Variants in RAMP3 observed in about 807,000 individuals in gnomAD.
RAMP3 encodes the protein receptor activity modifying protein 3.
In RAMP3, 14 loss-of-function variants were observed where a neutral mutation model predicts 13.5. The observed-to-expected ratio is 1.04, with a 90% CI of 0.69 to 1.63. RAMP3 has a LOEUF of 1.63. Among genes scored for constraint, RAMP3 ranks in the 40% most tolerant of loss-of-function variants. The probability of loss-of-function intolerance (pLI) is 0.00; values close to 1 mark genes in which losing one functional copy is unlikely to be tolerated. For synonymous variants in RAMP3, 106 were observed against 88.3 expected (o/e 1.20, Z -1.12); for missense variants, 200 against 204.8 (o/e 0.98, Z 0.14).
At chr7:45,166,106 C>T (rs893444933) in intron 1 of RAMP3, among the ~76,000 whole-genome samples, 1 of 151,848 alleles carries the variant, frequency 6.6e-6, no homozygotes, top group Non-Finnish European at 1.5e-5. Flanking sequence ...TCCAACGTGG[C>T]TGCTTCATTT....
intron 2 of RAMP3, among the ~76,000 whole-genome samples, chr7:45,179,254 A>G (rs1193782038): frequency 6.6e-6 from 1 of 152,134 alleles, no homozygotes; most frequent in East Asian, 1.9e-4. Context: ...ACCAGCCAAG[A>G]GGAAGGACCT....
At chr7:45,182,270 G>T (rs1406201401) in intron 2 of RAMP3, among the ~76,000 whole-genome samples, 1 of 152,198 alleles carries the variant, frequency 6.6e-6, no homozygotes, top group Non-Finnish European at 1.5e-5. Flanking sequence ...CTGCACAGAG[G>T]GGGTGGCATC....
intron 1 of RAMP3, among the ~76,000 whole-genome samples, chr7:45,159,087 C>A (rs759378251): frequency 6.6e-6 from 1 of 152,192 alleles, no homozygotes; most frequent in Non-Finnish European, 1.5e-5. Flanking sequence ...TGAGAAGGAC[C>A]ACAGGCTTCC....
rs557138964 is a variant in RAMP3 at position 45,174,019 on chromosome 7, T to C, written c.59-3290T>C. Among the ~76,000 whole-genome samples the C allele has an allele frequency of 2.8e-3, 423 of 152,028 alleles. 1 individual carries two copies. The highest frequency in any genetic ancestry group is 9.7e-3 in the African/African-American group (404 of 41,460). On this transcript the variant is annotated intron_variant, in intron 1 of 2. Coordinates refer to ENST00000242249, the MANE Select transcript of RAMP3 (RefSeq NM_005856.3). ...GTGTTGGTGGGGGCTGTGGATTTCC[T>C]CCTAGGGAGATGGGAGTGGGCACTC...
In RAMP3 at chr7:45,182,723, C is replaced by T. The variant is rs1387696106; in HGVS notation, c.192-434C>T. Among the ~76,000 whole-genome samples, 4 of 152,162 alleles carry T rather than the reference C, an allele frequency of 2.6e-5. No homozygotes were observed. In the East Asian group the frequency reaches 7.7e-4, roughly 29 times the overall value. ...TGACTTGATTAGGAGGTGGCTGGCC[C>T]CTGGCCTCAGAGAGACCCTCCTCTC... On this transcript the variant is annotated intron_variant, in intron 2 of 2. Transcript: ENST00000242249.
In RAMP3 at chr7:45,157,825, A is replaced by G; in HGVS notation, c.-4A>G. On this transcript the variant is annotated 5_prime_UTR_variant, in exon 1 of 3. Coordinates refer to ENST00000242249, the MANE Select transcript of RAMP3 (RefSeq NM_005856.3). ...GAGCGTGACCCAGCTGCGGCCGGCC[A>G]GCCATGGAGACTGGAGCGCTGCGGC... 2 of 1,234,848 alleles carry G rather than the reference A, an allele frequency of 1.6e-6. No individual in the cohort carries two copies. Among genetic ancestry groups the G allele is most frequent in the South Asian group, 3.0e-5 (2 of 67,548 alleles). The allele number at this position is 1,234,848 out of a possible 1,614,324, so 76.5% of individuals were successfully genotyped here. A position where few individuals can be genotyped will look rare whatever the true frequency, so the allele number is the denominator to read the frequency against.
chr7:45,160,330 C>CAAAAAA lies in RAMP3; in HGVS notation c.58+2480_58+2485dup. ...CTGGTGACAAAGCGAGACTCTGCCT[C>CAAAAAA]AAAAAAAAAAAAAAAAAAAAAAAAA... On this transcript the variant is annotated intron_variant, in intron 1 of 2. Coordinates refer to ENST00000242249, the MANE Select transcript of RAMP3 (RefSeq NM_005856.3). Among the ~76,000 whole-genome samples the CAAAAAA allele has an allele frequency of 3.1e-3, 55 of 17,892 alleles. 16 individuals carry two copies. Among genetic ancestry groups the CAAAAAA allele is most frequent in the East Asian group, 0.015 (4 of 270 alleles). The allele number at this position is 17,892 out of a possible 152,430, so 11.7% of individuals were successfully genotyped here. A position where few individuals can be genotyped will look rare whatever the true frequency, so the allele number is the denominator to read the frequency against.
intron 2 of RAMP3, among the ~76,000 whole-genome samples, chr7:45,179,848 C>G (rs562268244): frequency 6.6e-6 from 1 of 152,210 alleles, no homozygotes; most frequent in South Asian, 2.1e-4. Flanking sequence ...GCTGTGGAAA[C>G]AAAGGAAAAC....
chr7:45,172,442 T>A (rs1468140932), intron 1 of RAMP3, among the ~76,000 whole-genome samples: 1 of 152,240 alleles, frequency 6.6e-6, no homozygotes, highest in African/African-American at 2.4e-5. Context: ...GAGCTTCTCA[T>A]ACCACCATCC....
intron 1 of RAMP3, among the ~76,000 whole-genome samples, chr7:45,161,823 G>T (rs1045375295): frequency 1.3e-5 from 2 of 152,124 alleles, no homozygotes; most frequent in Non-Finnish European, 2.9e-5. Context: ...GGGTCCAGGT[G>T]GACCAGGCTG....
At chr7:45,182,457 C>T (rs1786335702) in intron 2 of RAMP3, among the ~76,000 whole-genome samples, 1 of 152,114 alleles carries the variant, frequency 6.6e-6, no homozygotes, top group Non-Finnish European at 1.5e-5. Context: ...GGCTATAGCC[C>T]TTGGTCAGCA....
At chr7:45,178,973 C>T (rs551668924) in intron 2 of RAMP3, among the ~76,000 whole-genome samples, 3 of 152,236 alleles carry the variant, frequency 2.0e-5, no homozygotes, top group Admixed American at 6.5e-5. Context: ...TCCCACGACC[C>T]GGCCGGCAGC....
rs766497694 is a variant in RAMP3, at chr7:45,157,928, C to A, written c.58+42C>A. 38 of 1,329,060 alleles carry A rather than the reference C, an allele frequency of 2.9e-5. No individual in the cohort carries two copies. In the East Asian group the frequency reaches 5.0e-4, roughly 17 times the overall value. 82.3% of individuals were successfully genotyped at this position (1,329,060 alleles called of 1,614,324 possible). ...CCGCACCGGGGGCGCCCCCACTCCT[C>A]GGGGTTCACCGGACCCGGGTGGACC... On this transcript the variant is annotated intron_variant, in intron 1 of 2. Transcript: ENST00000242249.
rs528469289 is a variant in RAMP3, at chr7:45,163,299, T to C, written c.58+5413T>C. The C allele has an allele frequency of 3.4e-3, 3,373 of 985,438 alleles. 9 individuals carry two copies. Among genetic ancestry groups the C allele is most frequent in the Admixed American group, 4.0e-3 (65 of 16,288 alleles). 61.0% of individuals were successfully genotyped at this position (985,438 alleles called of 1,614,324 possible). ...CCTCAGGGCTTTCTGGGTGGGTTCA[T>C]GAATGGTGGTCCCTACCAGCCTTAT... On this transcript the variant is annotated intron_variant, in intron 1 of 2. Coordinates refer to ENST00000242249, the MANE Select transcript of RAMP3 (RefSeq NM_005856.3).
chr7:45,170,190 TC>T, intron 1 of RAMP3, among the ~76,000 whole-genome samples: 1 of 151,948 alleles, frequency 6.6e-6, no homozygotes, highest in Non-Finnish European at 1.5e-5. Context: ...TGATTTTTTT[TC>T]TATTTTGTAG....
At chr7:45,174,843 C>A (rs1341601225) in intron 1 of RAMP3, among the ~76,000 whole-genome samples, 1 of 152,218 alleles carries the variant, frequency 6.6e-6, no homozygotes, top group Non-Finnish European at 1.5e-5. Context: ...AAGACAGGAA[C>A]CAGACCCTCT....
intron 1 of RAMP3, among the ~76,000 whole-genome samples, chr7:45,175,512 AC>A (rs1469355276): frequency 6.6e-6 from 1 of 151,998 alleles, no homozygotes; most frequent in Non-Finnish European, 1.5e-5. Context: ...ACCAGCTGTG[AC>A]CCCCAGGGGC....
chr7:45,173,529 G>A (rs1786119525), intron 1 of RAMP3, among the ~76,000 whole-genome samples: 1 of 152,234 alleles, frequency 6.6e-6, no homozygotes, highest in Admixed American at 6.5e-5. Flanking sequence ...TGGGGACCAA[G>A]TGGGCTTCTC....
chr7:45,182,143 T>A (rs916780985), intron 2 of RAMP3, among the ~76,000 whole-genome samples: 1 of 152,176 alleles, frequency 6.6e-6, no homozygotes, highest in Non-Finnish European at 1.5e-5. Flanking sequence ...AGTGGCTCCC[T>A]CCTGGGACAG....
Sources: allele counts gnomAD v4.1 joint callset (sites outside exome capture counted in the v4.1 genomes callset), GRCh38; gene constraint gnomAD v4.1.1; transcripts MANE v1.5; gene names NCBI Gene and HGNC (gene_info 2026-07-23, HGNC 2026-07-21).